ANKRD17: variants seen among roughly 807,000 people sequenced by gnomAD.
ANKRD17 encodes the protein ankyrin repeat domain-containing protein 17.
Under a neutral mutation model 229.7 loss-of-function variants are expected in ANKRD17, and 19 were observed. That is an observed-to-expected ratio of 0.08 (90% CI 0.06 to 0.12). ANKRD17 has a LOEUF of 0.12. ANKRD17 is among the 10% of genes least tolerant of loss of function. The pLI is 1.00. For synonymous variants in ANKRD17, 1,112 were observed against 1,146.1 expected (o/e 0.97, Z 0.60); for missense variants, 2,176 against 3,176.8 (o/e 0.68, Z 7.57).
At chr4:73,226,588 T>C (rs1263174804) in intron 1 of ANKRD17, among the ~76,000 whole-genome samples, 2 of 151,464 alleles carry the variant, frequency 1.3e-5, no homozygotes, top group African/African-American at 4.9e-5. Flanking sequence ...AGAGACGGGG[T>C]TTCACCATGT....
intron 3 of ANKRD17, among the ~76,000 whole-genome samples, chr4:73,160,928 C>A (rs1438636399): frequency 6.6e-6 from 1 of 152,176 alleles, no homozygotes; most frequent in Non-Finnish European, 1.5e-5. Context: ...GCCTTGCAGT[C>A]GGAAAGACAC....
chr4:73,247,180 C>T (rs1744578104), intron 1 of ANKRD17, among the ~76,000 whole-genome samples: 3 of 151,970 alleles, frequency 2.0e-5, no homozygotes, highest in Admixed American at 6.6e-5. Flanking sequence ...GATTAAAAAA[C>T]TTATACTCAA....
intron 16 of ANKRD17, 125 bp downstream of exon 16, chr4:73,134,992 A>C (rs1728709166): frequency 1.1e-6 from 1 of 914,860 alleles, no homozygotes; most frequent in African/African-American, 1.7e-5. Context: ...AATTAATTTA[A>C]AACTGGCTCA....
At chr4:73,169,011 A>T (rs935469898) in intron 2 of ANKRD17, 1 of 152,160 alleles carries the variant, frequency 6.6e-6, no homozygotes, top group Non-Finnish European at 1.5e-5. Flanking sequence ...GCTCCCACTT[A>T]TAAGTAATAA....
At position 73,203,919 on chromosome 4, in the gene ANKRD17, A is replaced by G. The variant is rs773250474; in HGVS notation, c.394-26386T>C. On this transcript the variant is annotated intron_variant, in intron 1 of 33. Coordinates refer to ENST00000358602, the MANE Select transcript of ANKRD17 (RefSeq NM_032217.5). The stretch of plus-strand genomic sequence containing the variant: ...ATCACAATGAAACTACTAAAAATCA[A>G]CAACAATGAAAAAACTCTTAAAAAC... Among the ~76,000 whole-genome samples, 46 of 152,134 alleles carry G rather than the reference A, an allele frequency of 3.0e-4. 1 individual carries two copies. Among genetic ancestry groups the G allele is most frequent in the Admixed American group, 2.9e-3 (45 of 15,274 alleles).
chr4:73,114,294 G>A (rs994061924), intron 23 of ANKRD17, among the ~76,000 whole-genome samples: 4 of 152,086 alleles, frequency 2.6e-5, no homozygotes, highest in African/African-American at 7.2e-5. Context: ...TTCAAGAAAT[G>A]TCCTCAAATA....
intron 27 of ANKRD17, among the ~76,000 whole-genome samples, chr4:73,095,915 C>G (rs1723248181): frequency 6.6e-6 from 1 of 152,068 alleles, no homozygotes; most frequent in Non-Finnish European, 1.5e-5. Context: ...GTCTTGAACT[C>G]ATAGTCTCAA....
chr4:73,077,636 CAATAT>C lies in ANKRD17; in HGVS notation c.7409-108_7409-104del, dbSNP rs373425249. ...TTCCACATTGAACCGTAAATTATTT[CAATAT>C]AATGACCTACTTTTATATATTTACA... On this transcript the variant is annotated intron_variant, in intron 31 of 33. Coordinates refer to ENST00000358602, the MANE Select transcript of ANKRD17 (RefSeq NM_032217.5). 2.3e-5 allele frequency: 23 copies of C among 991,868 alleles called. No homozygotes were observed. In the African/African-American group the frequency reaches 3.2e-4, roughly 14 times the overall value. 61.4% of individuals were successfully genotyped at this position (991,868 alleles called of 1,614,324 possible).
At chr4:73,219,761 T>A (rs770463412) in intron 1 of ANKRD17, among the ~76,000 whole-genome samples, 15 of 152,122 alleles carry the variant, frequency 9.9e-5, no homozygotes, top group Non-Finnish European at 1.8e-4. Flanking sequence ...GACAAAAGAA[T>A]AAGAACGGGT....
At position 73,153,401 on chromosome 4, in the gene ANKRD17, A is replaced by G. The variant is rs550575312; in HGVS notation, c.1234+479T>C. Among the ~76,000 whole-genome samples, 21 of 152,324 alleles carry G rather than the reference A, an allele frequency of 1.4e-4. No individual in the cohort carries two copies. The South Asian group carries it at 2.7e-3, about 20-fold the overall frequency. On this transcript the variant is annotated intron_variant, in intron 6 of 33. Coordinates refer to ENST00000358602, the MANE Select transcript of ANKRD17 (RefSeq NM_032217.5). Reference sequence around the variant, plus strand: ...AGCCATTTATCTGTCATACATGTGGAGTCTAAAAAATGTTCAGCTCTGTGG... The same window carrying G: ...AGCCATTTATCTGTCATACATGTGGGGTCTAAAAAATGTTCAGCTCTGTGG...
chr4:73,134,465 C>CA (rs1270547836), intron 16 of ANKRD17, among the ~76,000 whole-genome samples: 9 of 152,182 alleles, frequency 5.9e-5, no homozygotes, highest in African/African-American at 2.2e-4. Context: ...CAGGATAAAA[C>CA]ACGCACTATT....
intron 2 of ANKRD17, among the ~76,000 whole-genome samples, chr4:73,162,340 G>A (rs537453079): frequency 5.3e-5 from 8 of 152,198 alleles, no homozygotes; most frequent in South Asian, 2.1e-4. Flanking sequence ...GTGAGCCACC[G>A]CAGCAGGACA....
intron 24 of ANKRD17, among the ~76,000 whole-genome samples, chr4:73,111,789 A>T (rs1162144125): frequency 2.6e-5 from 4 of 152,304 alleles, no homozygotes; most frequent in Admixed American, 6.5e-5. Context: ...TCTGTTTTTT[A>T]AAAAAAGTAC....
intron 1 of ANKRD17, among the ~76,000 whole-genome samples, chr4:73,194,153 T>C (rs1284564253): frequency 2.0e-5 from 3 of 152,228 alleles, no homozygotes; most frequent in African/African-American, 7.2e-5. Context: ...TTTATGTTTG[T>C]GGTTTTTTGC....
At chr4:73,250,688 TTTGTTGTTGTTGTTGTTG>T (rs537285641) in intron 1 of ANKRD17, among the ~76,000 whole-genome samples, 10 of 148,616 alleles carry the variant, frequency 6.7e-5, no homozygotes, top group Non-Finnish European at 1.5e-4. Flanking sequence ...TGTAACGGTT[TTTGTTGTTGTTGTTGTTG>T]TTGTTGTTGT....
At chr4:73,138,919 G>A (rs188736714) in intron 15 of ANKRD17, among the ~76,000 whole-genome samples, 17 of 152,066 alleles carry the variant, frequency 1.1e-4, no homozygotes, top group Non-Finnish European at 7.4e-5. Flanking sequence ...ATACTTTCAG[G>A]GGGGCCACAC....
intron 28 of ANKRD17, among the ~76,000 whole-genome samples, chr4:73,093,376 C>CTTT (rs11368928): frequency 0.01 from 1,180 of 112,690 alleles, 41 homozygotes; most frequent in African/African-American, 0.02. Flanking sequence ...AACTCAAATT[C>CTTT]TTTTTTTTTT....
chr4:73,215,264 G>GTT (rs1192000148), intron 1 of ANKRD17, among the ~76,000 whole-genome samples: 3 of 141,596 alleles, frequency 2.1e-5, no homozygotes, highest in African/African-American at 5.8e-5. Flanking sequence ...TAGAAAATGT[G>GTT]ATTTTTTTTT....
At chr4:73,232,873 C>A (rs1743182783) in intron 1 of ANKRD17, among the ~76,000 whole-genome samples, 1 of 152,016 alleles carries the variant, frequency 6.6e-6, no homozygotes, top group African/African-American at 2.4e-5. Flanking sequence ...ACAGGCGCAG[C>A]TACCACGCCC....
Sources: allele counts gnomAD v4.1 joint callset (sites outside exome capture counted in the v4.1 genomes callset), GRCh38; gene constraint gnomAD v4.1.1; transcripts MANE v1.5; gene names NCBI Gene and HGNC (gene_info 2026-07-23, HGNC 2026-07-21).